Variants in FHIT observed in about 807,000 individuals in gnomAD.
FHIT encodes the protein fragile histidine triad diadenosine triphosphatase.
In FHIT, 19 loss-of-function variants were observed where a neutral mutation model predicts 17.9. That is an observed-to-expected ratio of 1.06 (90% CI 0.74 to 1.56). The LOEUF (loss-of-function observed/expected upper bound fraction) is 1.56, where lower values mean the gene tolerates loss of function less well. FHIT is among the 40% of genes most tolerant of loss of function. The pLI is 0.00. For missense variants in FHIT, 248 were observed against 189.2 expected, an observed-to-expected ratio of 1.31 and a Z score of -1.82; for synonymous variants, 81 against 69.7, an observed-to-expected ratio of 1.16 and a Z score of -0.81.
At chr3:60,646,827 A>C (rs1484617533) in intron 4 of FHIT, among the ~76,000 whole-genome samples, 1 of 152,224 alleles carries the variant, frequency 6.6e-6, no homozygotes, top group East Asian at 1.9e-4. Flanking sequence ...CCTTAATTCA[A>C]ATCAGAACAC....
At chr3:59,857,699 T>A (rs1702216778) in intron 8 of FHIT, among the ~76,000 whole-genome samples, 1 of 141,238 alleles carries the variant, frequency 7.1e-6, no homozygotes, top group Non-Finnish European at 1.5e-5. Flanking sequence ...CTGTGCAAAG[T>A]GCTGGGTTTT....
At chr3:61,055,699 G>A (rs1559946039) in intron 2 of FHIT, among the ~76,000 whole-genome samples, 1 of 152,180 alleles carries the variant, frequency 6.6e-6, no homozygotes, top group Non-Finnish European at 1.5e-5. Context: ...CAGGATCTGG[G>A]AGAAGAGATA....
chr3:60,214,375 T>C (rs569638050), intron 5 of FHIT, among the ~76,000 whole-genome samples: 1 of 152,252 alleles, frequency 6.6e-6, no homozygotes, highest in East Asian at 1.9e-4. Flanking sequence ...AGGAAAGCTT[T>C]TTAAAAAAAA....
At chr3:59,763,231 G>A (rs2106793615) in intron 8 of FHIT, among the ~76,000 whole-genome samples, 1 of 152,250 alleles carries the variant, frequency 6.6e-6, no homozygotes, top group East Asian at 1.9e-4. Flanking sequence ...TTTTTTCAAA[G>A]GTACCTTGCA....
intron 7 of FHIT, among the ~76,000 whole-genome samples, chr3:59,971,996 G>T (rs1004376332): frequency 6.6e-6 from 1 of 152,108 alleles, no homozygotes; most frequent in African/African-American, 2.4e-5. Context: ...GCCCTGTGCA[G>T]ACATGCCTTG....
intron 4 of FHIT, among the ~76,000 whole-genome samples, chr3:60,538,797 G>A (rs2036079218): frequency 6.6e-6 from 1 of 152,076 alleles, no homozygotes; most frequent in Admixed American, 6.6e-5. Flanking sequence ...AATTCAAGAT[G>A]GATTAAAGAC....
intron 4 of FHIT, among the ~76,000 whole-genome samples, chr3:60,803,617 G>A (rs1701278465): frequency 6.6e-6 from 1 of 152,190 alleles, no homozygotes; most frequent in South Asian, 2.1e-4. Flanking sequence ...GGGAGAAAGA[G>A]GGGCAGCTTT....
At chr3:60,169,093 A>G (rs1701307724) in intron 5 of FHIT, among the ~76,000 whole-genome samples, 1 of 152,228 alleles carries the variant, frequency 6.6e-6, no homozygotes, top group Non-Finnish European at 1.5e-5. Context: ...TAAGAAAGTA[A>G]GTTTGGGTCA....
At chr3:60,984,805 TGTGTG>T (rs1710651875) in intron 3 of FHIT, among the ~76,000 whole-genome samples, 1 of 151,968 alleles carries the variant, frequency 6.6e-6, no homozygotes, top group Non-Finnish European at 1.5e-5. Context: ...TGTGTGTGTG[TGTGTG>T]TGTGTGCATA....
rs1575782429 is a variant in FHIT at position 60,975,932 on chromosome 3, A to G, written c.-111+66115T>C. 2.0e-5 allele frequency among the ~76,000 whole-genome samples: 3 copies of G among 152,188 alleles called. No homozygotes were observed. In the Middle Eastern group the frequency reaches 0.01, roughly 518 times the overall value. ...AAATCATTACCAATGCCAATTTCAG[A>G]TTAAGACTGTTCTGAAATGAAATCA... On this transcript the variant is annotated intron_variant, in intron 3 of 9. Coordinates refer to ENST00000492590, the MANE Select transcript of FHIT (RefSeq NM_002012.4).
intron 3 of FHIT, among the ~76,000 whole-genome samples, chr3:61,013,126 C>G (rs1182143740): frequency 6.6e-6 from 1 of 151,894 alleles, no homozygotes; most frequent in Non-Finnish European, 1.5e-5. Flanking sequence ...AATTGGAAGC[C>G]TATAGTTTTT....
intron 8 of FHIT, among the ~76,000 whole-genome samples, chr3:59,892,533 G>A (rs1575653062): frequency 6.6e-6 from 1 of 152,128 alleles, no homozygotes; most frequent in South Asian, 2.1e-4. Flanking sequence ...TGTTATAGAG[G>A]TTAGGGGGTA....
intron 1 of FHIT, among the ~76,000 whole-genome samples, chr3:61,229,275 T>C (rs79280098): frequency 0.01 from 1,541 of 152,208 alleles, 24 homozygotes; most frequent in African/African-American, 0.035. Context: ...GAAGAAGATA[T>C]AGAAGAGAAG....
rs566073499 is a variant in FHIT, at chr3:60,720,236, T to C, written c.-18+101683A>G. On this transcript the variant is annotated intron_variant, in intron 4 of 9. Transcript: ENST00000492590. ...CCTCCTGGTCATCAGTGCCTTCCCC[T>C]CAACTCTTTACCTGGTTAACTCCTT... 1.1e-4 allele frequency among the ~76,000 whole-genome samples: 16 copies of C among 152,248 alleles called. No homozygotes were observed. In the South Asian group the frequency reaches 1.5e-3, roughly 14 times the overall value.
intron 8 of FHIT, among the ~76,000 whole-genome samples, chr3:59,844,486 AGTGTGTGTGTCTGTGTGTGTCTGT>A (rs1291914238): frequency 6.6e-6 from 1 of 150,790 alleles, no homozygotes; most frequent in Non-Finnish European, 1.5e-5. Context: ...TAGTTTGTTG[AGTGTGTGTGTCTGTGTGTGTCTGT>A]GTGTGTGTGT....
chr3:60,409,470 T>C (rs1431444769), intron 5 of FHIT, among the ~76,000 whole-genome samples: 4 of 152,236 alleles, frequency 2.6e-5, no homozygotes, highest in Non-Finnish European at 5.9e-5. Context: ...AGATTTACTT[T>C]AACTGTGAAT....
chr3:59,838,690 G>C (rs1481018468), intron 8 of FHIT, among the ~76,000 whole-genome samples: 1 of 152,174 alleles, frequency 6.6e-6, no homozygotes, highest in Non-Finnish European at 1.5e-5. Flanking sequence ...TAACCCCTCT[G>C]TGTCTCAGGT....
chr3:59,772,879 G>A (rs1205132142), intron 8 of FHIT, among the ~76,000 whole-genome samples: 1 of 152,164 alleles, frequency 6.6e-6, no homozygotes, highest in Non-Finnish European at 1.5e-5. Context: ...GCCTCATGTA[G>A]GAAGTGTAGG....
At chr3:60,932,452 C>T (rs1708005165) in intron 3 of FHIT, among the ~76,000 whole-genome samples, 1 of 152,150 alleles carries the variant, frequency 6.6e-6, no homozygotes, top group South Asian at 2.1e-4. Flanking sequence ...AGGGCTAAGA[C>T]AATGGCAGGC....
Sources: gnomAD v4.1 joint callset for allele counts (sites outside exome capture counted in the v4.1 genomes callset) on GRCh38, gnomAD v4.1.1 for gene constraint, MANE v1.5 for transcripts, NCBI Gene and HGNC (gene_info 2026-07-23, HGNC 2026-07-21) for gene names.